Variants in NOTCH2NLC observed in about 807,000 individuals in gnomAD.
NOTCH2NLC encodes notch 2 N-terminal like C, also known as notch homolog 2 N-terminal-like protein C.
A neutral mutation model predicts 17.7 loss-of-function variants in NOTCH2NLC; 4 were observed. The ratio of observed to expected loss-of-function variants is 0.23; its 90% CI spans 0.11 to 0.52. NOTCH2NLC has a LOEUF of 0.52. Ranked by LOEUF, NOTCH2NLC falls within the 20% of genes least tolerant of loss-of-function variation. The pLI is 0.96. For missense variants in NOTCH2NLC, 57 were observed against 207.2 expected (o/e 0.28, Z 4.45); for synonymous variants, 18 against 86.0 (o/e 0.21, Z 4.38).
chr1:149,417,172 C>T (rs1451183667), intron 1 of NOTCH2NLC, among the ~76,000 whole-genome samples: 10 of 128,864 alleles, frequency 7.8e-5, no homozygotes, highest in Admixed American at 1.9e-4. Flanking sequence ...TGCAGTGGCG[C>T]GATCTCTGCT....
chr1:149,461,820 A>T (rs2084651564), intron 3 of NOTCH2NLC, among the ~76,000 whole-genome samples: 1 of 149,118 alleles, frequency 6.7e-6, no homozygotes, highest in Admixed American at 6.7e-5. Context: ...GGATGAGTTC[A>T]TGTCCTTTGT....
chr1:149,407,290 G>C (rs2084276984), intron 1 of NOTCH2NLC, among the ~76,000 whole-genome samples: 1 of 128,358 alleles, frequency 7.8e-6, no homozygotes. Context: ...TCGGATTTCT[G>C]AGCTAGGAAA....
At chr1:149,460,596 C>G (rs1223647702) in intron 3 of NOTCH2NLC, among the ~76,000 whole-genome samples, 2 of 150,150 alleles carry the variant, frequency 1.3e-5, no homozygotes, top group Non-Finnish European at 3.0e-5. Flanking sequence ...CTTGGCCTCC[C>G]AAAGTGCTGG....
chr1:149,414,632 CTAAG>C (rs1448048433), intron 1 of NOTCH2NLC, among the ~76,000 whole-genome samples: 1 of 150,328 alleles, frequency 6.7e-6, no homozygotes, highest in African/African-American at 2.4e-5. Flanking sequence ...TATGTTAACT[CTAAG>C]TAAAGCTTAT....
At position 149,466,421 on chromosome 1, in the gene NOTCH2NLC, A is replaced by G. The variant is rs2084684615; in HGVS notation, c.*2268A>G. 7.0e-6 allele frequency: 1 copy of G among 143,168 alleles called. No homozygotes were observed. The allele number at this position is 143,168 out of a possible 1,614,324, so 8.9% of individuals were successfully genotyped here. A position where few individuals can be genotyped will look rare whatever the true frequency, so the allele number is the denominator to read the frequency against. On this transcript the variant is annotated 3_prime_UTR_variant, in exon 5 of 5. Coordinates refer to ENST00000650865, the MANE Select transcript of NOTCH2NLC (RefSeq NM_001364013.2). The stretch of plus-strand genomic sequence containing the variant: ...GGAAATTTAAAGAGAATTCAAAACA[A>G]TAGATGATGCAGTGACACTGTGAAT...
intron 3 of NOTCH2NLC, among the ~76,000 whole-genome samples, chr1:149,458,228 AAAG>A (rs1184776789): frequency 2.7e-5 from 3 of 109,740 alleles, no homozygotes; most frequent in East Asian, 3.2e-4. Flanking sequence ...GTTTTTAATA[AAAG>A]AAGGAGGAAA....
Position 149,430,765 on chromosome 1 carries a change from G to A in NOTCH2NLC, c.136-177G>A, listed in dbSNP as rs1244738094. Among the ~76,000 whole-genome samples the A allele has an allele frequency of 5.6e-3, 829 of 149,048 alleles. 23 individuals are homozygous for A. The highest frequency in any genetic ancestry group is 8.9e-3 in the Non-Finnish European group (597 of 66,842). The stretch of plus-strand genomic sequence containing the variant: ...TGGTTATTGTTGGAAGATAGTTTTG[G>A]GATGGGCTTCTGTGCTAGAAGCCAA... On this transcript the variant is annotated intron_variant, in intron 1 of 4. Transcript: ENST00000650865.
intron 2 of NOTCH2NLC, among the ~76,000 whole-genome samples, chr1:149,445,662 T>C (rs1359325886): frequency 1.3e-5 from 2 of 151,030 alleles, no homozygotes; most frequent in African/African-American, 4.9e-5. Flanking sequence ...TTAAAGAATT[T>C]TCTGCTGGAA....
At chr1:149,421,396 G>A (rs2084378422) in intron 1 of NOTCH2NLC, among the ~76,000 whole-genome samples, 1 of 149,232 alleles carries the variant, frequency 6.7e-6, no homozygotes, top group Non-Finnish European at 1.5e-5. Flanking sequence ...CTACTCGGGA[G>A]GCTGAGGCAG....
intron 1 of NOTCH2NLC, among the ~76,000 whole-genome samples, chr1:149,418,479 T>C (rs2084357130): frequency 7.5e-6 from 1 of 134,030 alleles, no homozygotes; most frequent in African/African-American, 2.6e-5. Flanking sequence ...ACTCCCTTTG[T>C]AAGTCCCTCT....
chr1:149,449,728 A>G lies in NOTCH2NLC; in HGVS notation c.210-5590A>G, dbSNP rs1293247236. The stretch of plus-strand genomic sequence containing the variant: ...CCAGAGTTATGAGACCACCACCATT[A>G]TCTAATTTCAAAACATTTTTATCAC... On this transcript the variant is annotated intron_variant, in intron 2 of 4. Coordinates refer to ENST00000650865, the MANE Select transcript of NOTCH2NLC (RefSeq NM_001364013.2). Among the ~76,000 whole-genome samples the G allele has an allele frequency of 2.0e-5, 3 of 151,390 alleles. No homozygotes were observed. In the East Asian group the frequency reaches 5.8e-4, roughly 29 times the overall value.
At chr1:149,414,584 A>G in intron 1 of NOTCH2NLC, among the ~76,000 whole-genome samples, 2 of 151,054 alleles carry the variant, frequency 1.3e-5, no homozygotes, top group Middle Eastern at 6.9e-3. Flanking sequence ...ACATATTTAT[A>G]CATTATATAA....
At chr1:149,421,142 AT>A (rs2084376865) in intron 1 of NOTCH2NLC, among the ~76,000 whole-genome samples, 1 of 109,650 alleles carries the variant, frequency 9.1e-6, no homozygotes, top group Non-Finnish European at 1.9e-5. Context: ...ATATTTATAA[AT>A]TTTTTTCCAG....
intron 3 of NOTCH2NLC, among the ~76,000 whole-genome samples, chr1:149,460,893 TTCTTTCTTTCTTTCTTTCTTTCTCTC>T (rs2084644179): frequency 7.7e-6 from 1 of 130,526 alleles, no homozygotes; most frequent in African/African-American, 2.8e-5. Flanking sequence ...CTTTCTTTCT[TTCTTTCTTTCTTTCTTTCTTTCTCTC>T]TCTTTCTCTC....
rs1184842539 is a variant in NOTCH2NLC, at chr1:149,466,277, G to GTATATATATATA, written c.*2128_*2139dup. ...GTGTGTGTGTGTGTGTGTGTGTGTGGTATATATATATATATCGCATTGTGC... is the reference window on the plus strand; with the variant it reads ...GTGTGTGTGTGTGTGTGTGTGTGTGGTATATATATATATATATATATATATATCGCATTGTGC... On this transcript the variant is annotated 3_prime_UTR_variant, in exon 5 of 5. Transcript: ENST00000650865. The GTATATATATATA allele has an allele frequency of 6.3e-5, 9 of 142,464 alleles. No individual in the cohort carries two copies. The highest frequency in any genetic ancestry group is 2.1e-4 in the African/African-American group (8 of 37,832). 8.8% of individuals were successfully genotyped at this position (142,464 alleles called of 1,614,324 possible).
At chr1:149,437,754 C>T (rs1247715431) in intron 2 of NOTCH2NLC, among the ~76,000 whole-genome samples, 51 of 151,816 alleles carry the variant, frequency 3.4e-4, no homozygotes, top group African/African-American at 9.7e-4. Flanking sequence ...TGAGCCACCA[C>T]GCCCAGCTGA....
At chr1:149,432,423 T>C (rs1484429540) in intron 2 of NOTCH2NLC, among the ~76,000 whole-genome samples, 1 of 151,218 alleles carries the variant, frequency 6.6e-6, no homozygotes, top group African/African-American at 2.4e-5. Flanking sequence ...AAAGGTTTTA[T>C]GTAGCTTATT....
Position 149,469,968 on chromosome 1 carries a change from T to C in NOTCH2NLC, c.*5815T>C, listed in dbSNP as rs2084706813. ...CTTTCCAAAGAGAATTCTGTATCTC[T>C]ATTTTTAAAGCATAAATCCTGTCAA... On this transcript the variant is annotated 3_prime_UTR_variant, in exon 5 of 5. Coordinates refer to ENST00000650865, the MANE Select transcript of NOTCH2NLC (RefSeq NM_001364013.2). Among the ~76,000 whole-genome samples the C allele has an allele frequency of 6.6e-6, 1 of 151,874 alleles. No homozygotes were observed. Among genetic ancestry groups the C allele is most frequent in the Admixed American group, 6.6e-5 (1 of 15,242 alleles).
At chr1:149,445,563 T>C (rs1570916319) in intron 2 of NOTCH2NLC, among the ~76,000 whole-genome samples, 1 of 149,858 alleles carries the variant, frequency 6.7e-6, no homozygotes, top group Non-Finnish European at 1.5e-5. Context: ...CTCCCCCCTC[T>C]AGAGCTCAGC....
Sources: gnomAD v4.1 joint callset for allele counts (sites outside exome capture counted in the v4.1 genomes callset) on GRCh38, gnomAD v4.1.1 for gene constraint, MANE v1.5 for transcripts, NCBI Gene and HGNC (gene_info 2026-07-23, HGNC 2026-07-21) for gene names.